Variants in FBXO9 observed in about 807,000 individuals in gnomAD.
The protein encoded by FBXO9 is F-box only protein 9.
FBXO9 carries 43 observed loss-of-function variants against 63.7 expected under a neutral mutation model. The observed-to-expected ratio is 0.67, with a 90% CI of 0.53 to 0.87. The LOEUF (loss-of-function observed/expected upper bound fraction) is 0.87, where lower values mean the gene tolerates loss of function less well. Ranked by LOEUF, FBXO9 falls within the 40% of genes least tolerant of loss-of-function variation. The pLI is 0.00. For synonymous variants in FBXO9, 156 were observed against 171.7 expected (o/e 0.91, Z 0.72); for missense variants, 442 against 533.2 (o/e 0.83, Z 1.68).
rs761159029 is a variant in FBXO9, at chr6:53,075,734, A to ATTTTTTTTTTTTTTTTTTTTTTT, written c.250-750_250-749insTTTTTTTTTTTTTTTTTTTTTTT. Among the ~76,000 whole-genome samples the ATTTTTTTTTTTTTTTTTTTTTTT allele has an allele frequency of 1.2e-4, 10 of 82,180 alleles. 5 individuals are homozygous for ATTTTTTTTTTTTTTTTTTTTTTT. The highest frequency in any genetic ancestry group is 3.1e-4 in the African/African-American group (6 of 19,318). 53.9% of individuals were successfully genotyped at this position (82,180 alleles called of 152,430 possible). A position where few individuals can be genotyped will look rare whatever the true frequency, so the allele number is the denominator to read the frequency against. On this transcript the variant is annotated intron_variant, in intron 3 of 12. Transcript: ENST00000323557. ...TAATTGGATTACATATATATATATAATTATTTTTTTTTTTTTTTTTTTTTT... is the reference window on the plus strand; with the variant it reads ...TAATTGGATTACATATATATATATAATTTTTTTTTTTTTTTTTTTTTTTTTATTTTTTTTTTTTTTTTTTTTTT...
intron 7 of FBXO9, among the ~76,000 whole-genome samples, chr6:53,088,474 G>A (rs1762953786): frequency 6.6e-6 from 1 of 152,186 alleles, no homozygotes; most frequent in South Asian, 2.1e-4. Context: ...TTTAACATTT[G>A]AGAATCCCAT....
intron 6 of FBXO9, 114 bp from the exon 7 acceptor site, chr6:53,082,390 C>T: frequency 1.7e-6 from 1 of 595,006 alleles, no homozygotes; most frequent in South Asian, 2.4e-5. Context: ...TAGCTCTGAG[C>T]AATACAGAGG....
chr6:53,077,809 G>A lies in FBXO9; in HGVS notation c.308-990G>A, dbSNP rs142347753. The stretch of plus-strand genomic sequence containing the variant: ...CAGCCTTCATTGGTTTGTGAAATTC[G>A]CATCTCCACTTAGTGTATGGTGTAA... On this transcript the variant is annotated intron_variant, in intron 4 of 12. Transcript: ENST00000323557. Among the ~76,000 whole-genome samples the A allele has an allele frequency of 3.8e-3, 574 of 152,222 alleles. 8 individuals are homozygous for A. Among genetic ancestry groups the A allele is most frequent in the Non-Finnish European group, 7.1e-4 (48 of 68,020 alleles).
At chr6:53,068,435 T>C (rs1225032861) in intron 1 of FBXO9, among the ~76,000 whole-genome samples, 1 of 152,160 alleles carries the variant, frequency 6.6e-6, no homozygotes. Context: ...CAGTCTAGCT[T>C]TATTCCACTG....
chr6:53,078,706 GA>G, intron 4 of FBXO9, 92 bp from the exon 5 acceptor site: 1 of 908,844 alleles, frequency 1.1e-6, no homozygotes, highest in Admixed American at 2.3e-5. Flanking sequence ...CGTTTGTAAA[GA>G]AAGTTACCAA....
At chr6:53,089,565 A>G (rs1470832271) in intron 7 of FBXO9, among the ~76,000 whole-genome samples, 1 of 152,226 alleles carries the variant, frequency 6.6e-6, no homozygotes, top group Non-Finnish European at 1.5e-5. Flanking sequence ...CACAGACCAA[A>G]TCAAAAGTAA....
intron 5 of FBXO9, among the ~76,000 whole-genome samples, chr6:53,079,610 A>G (rs1769240685): frequency 6.6e-6 from 1 of 152,164 alleles, no homozygotes; most frequent in Non-Finnish European, 1.5e-5. Flanking sequence ...GCTTAATTGC[A>G]CTATCTCCCA....
chr6:53,069,394 C>A (rs1454259455), intron 1 of FBXO9, among the ~76,000 whole-genome samples: 1 of 152,130 alleles, frequency 6.6e-6, no homozygotes, highest in Non-Finnish European at 1.5e-5. Context: ...AGTTTATGGA[C>A]ACTAAAATTA....
chr6:53,077,288 A>C (rs939760814), intron 4 of FBXO9, among the ~76,000 whole-genome samples: 1 of 151,630 alleles, frequency 6.6e-6, no homozygotes, highest in African/African-American at 2.4e-5. Context: ...TCCCGGCTAA[A>C]ACGGTGAAAC....
At chr6:53,085,082 A>C (rs1769438039) in intron 7 of FBXO9, among the ~76,000 whole-genome samples, 1 of 152,212 alleles carries the variant, frequency 6.6e-6, no homozygotes, top group Non-Finnish European at 1.5e-5. Flanking sequence ...ATATAAATAA[A>C]AATAATATGA....
intron 12 of FBXO9, among the ~76,000 whole-genome samples, 187 bp from the exon 13 acceptor site, chr6:53,097,535 G>A (rs1339935458): frequency 6.6e-6 from 1 of 151,488 alleles, no homozygotes; most frequent in African/African-American, 2.4e-5. Flanking sequence ...TGGAATTGTG[G>A]TGATGTTTCT....
intron 7 of FBXO9, among the ~76,000 whole-genome samples, chr6:53,088,708 C>T (rs1762960101): frequency 6.6e-6 from 1 of 151,668 alleles, no homozygotes; most frequent in African/African-American, 2.4e-5. Flanking sequence ...AGGCGATTCT[C>T]CTGCCTCAGT....
chr6:53,100,304 G>C lies in FBXO9; in HGVS notation c.*2474G>C, dbSNP rs1389443619. ...GGAGTGTCCTTCCTTTGCTCTATTAGGACATTACAGAAACCAATACTATGA... is the reference window on the plus strand; with the variant it reads ...GGAGTGTCCTTCCTTTGCTCTATTACGACATTACAGAAACCAATACTATGA... On this transcript the variant is annotated 3_prime_UTR_variant, in exon 13 of 13. Transcript: ENST00000323557. The C allele has an allele frequency of 6.6e-6, 1 of 152,078 alleles. No homozygotes were observed. Among genetic ancestry groups the C allele is most frequent in the Non-Finnish European group, 1.5e-5 (1 of 68,016 alleles). The allele number at this position is 152,078 out of a possible 1,614,324, so 9.4% of individuals were successfully genotyped here. A position where few individuals can be genotyped will look rare whatever the true frequency, so the allele number is the denominator to read the frequency against.
chr6:53,086,342 G>GT (rs1275950545), intron 7 of FBXO9, among the ~76,000 whole-genome samples: 1 of 152,150 alleles, frequency 6.6e-6, no homozygotes, highest in Non-Finnish European at 1.5e-5. Context: ...AATGCAGAAA[G>GT]TTACATGGAT....
chr6:53,097,883 A>T lies in FBXO9; in HGVS notation c.*53A>T, dbSNP rs1763254349. On this transcript the variant is annotated 3_prime_UTR_variant, in exon 13 of 13. Coordinates refer to ENST00000323557, the MANE Select transcript of FBXO9 (RefSeq NM_033480.3). ...TTGCATGAATTAAAGTATATAGCGC[A>T]AAAGAGCACCTAAGTTATAAATGTG... is the stretch of plus-strand genomic sequence containing the variant. The T allele has an allele frequency of 1.2e-6, 1 of 812,660 alleles. No homozygotes were observed. The highest frequency in any genetic ancestry group is 2.7e-5 in the Admixed American group (1 of 36,740). The allele number at this position is 812,660 out of a possible 1,614,324, so 50.3% of individuals were successfully genotyped here. A position where few individuals can be genotyped will look rare whatever the true frequency, so the allele number is the denominator to read the frequency against.
At chr6:53,068,340 G>A (rs568956563) in intron 1 of FBXO9, among the ~76,000 whole-genome samples, 85 of 152,186 alleles carry the variant, frequency 5.6e-4, no homozygotes, top group African/African-American at 2.0e-3. Flanking sequence ...GTTTAATTTA[G>A]CAAACATTTA....
rs760126039 is a variant in FBXO9 at position 53,097,767 on chromosome 6, G to T, written c.1251G>T (p.Met417Ile). The T allele has an allele frequency of 6.2e-7, 1 of 1,607,492 alleles. No homozygotes were observed. Among genetic ancestry groups the T allele is most frequent in the South Asian group, 1.1e-5 (1 of 90,588 alleles). ...TAVSAFEIDK[M>I]YTPLFFARVR... is the part of the protein sequence containing the mutation. Reference sequence around the variant, plus strand: ...TCAGTGCTTTTGAGATTGACAAGATGTACACCCCCTTGTTCTTCGCCAGAG... The same window carrying T: ...TCAGTGCTTTTGAGATTGACAAGATTTACACCCCCTTGTTCTTCGCCAGAG... The change falls in exon 13 of 13, where the codon ATG (methionine) becomes ATT (isoleucine). Residue 417 changes from methionine to isoleucine, a missense_variant. Met to Ile is a conservative substitution (Grantham distance 10). Around this residue, in one of 2 missense-constraint regions of FBXO9, gnomAD observed 262 missense variants for 362.1 expected, o/e 0.72. Coordinates refer to ENST00000323557, the MANE Select transcript of FBXO9 (RefSeq NM_033480.3).
intron 1 of FBXO9, among the ~76,000 whole-genome samples, chr6:53,066,471 C>T (rs1055376925): frequency 6.6e-6 from 1 of 152,214 alleles, no homozygotes; most frequent in African/African-American, 2.4e-5. Flanking sequence ...TGCCCTATGC[C>T]TTTCTTTGGT....
At chr6:53,068,096 C>T (rs576526013) in intron 1 of FBXO9, 11 of 46,774 alleles carry the variant, frequency 2.4e-4, no homozygotes, top group Non-Finnish European at 3.9e-4. Context: ...ACCCTCCCCC[C>T]CCTGGCCGCC....
Sources: gnomAD v4.1 joint callset for allele counts (sites outside exome capture counted in the v4.1 genomes callset) on GRCh38, gnomAD v4.1.1 for gene constraint, gnomAD v4.1.1 regional missense constraint, MANE v1.5 for transcripts, NCBI Gene and HGNC (gene_info 2026-07-23, HGNC 2026-07-21) for gene names.